The following SLC9D1 variants were observed in gnomAD, a reference collection of about 807,000 sequenced individuals.
SLC9D1 encodes putative LAG1-interacting protein.
chr13:113,495,801 G>T, the SLC9D1 span: 15 of 1,614,176 alleles, frequency 9.3e-6, no homozygotes, highest in Non-Finnish European at 1.3e-5. Context: ...ACTGAAAACT[G>T]CAATTGGAGC....
the SLC9D1 span, among the ~76,000 whole-genome samples, chr13:113,546,527 G>A: frequency 6.6e-6 from 1 of 152,202 alleles, no homozygotes; most frequent in African/African-American, 2.4e-5. This position sits in a 1 kb window ranked among gnomAD's most constrained non-coding sequence, Gnocchi z 7.1. Context: ...AAAGGCCAGT[G>A]TTTACATTTG....
the SLC9D1 span, among the ~76,000 whole-genome samples, chr13:113,544,076 G>A: frequency 8.5e-5 from 13 of 152,216 alleles, no homozygotes; most frequent in South Asian, 2.1e-4. Context: ...ACTTCAGGGC[G>A]GCAGAAACCC....
At chr13:113,542,644 G>A in the SLC9D1 span, among the ~76,000 whole-genome samples, 1 of 152,296 alleles carries the variant, frequency 6.6e-6, no homozygotes, top group South Asian at 2.1e-4. Flanking sequence ...TCCCTTGTCA[G>A]GGTCTGTGGA....
At chr13:113,521,286 C>T in the SLC9D1 span, among the ~76,000 whole-genome samples, 2 of 150,608 alleles carry the variant, frequency 1.3e-5, no homozygotes, top group South Asian at 2.1e-4. Flanking sequence ...GGGGTATCCA[C>T]GTGTGCGTAT....
At chr13:113,501,789 G>T in the SLC9D1 span, 1 of 1,609,618 alleles carries the variant, frequency 6.2e-7, no homozygotes, top group South Asian at 1.1e-5. Context: ...TTGCCTTGTG[G>T]CTGGCTATGT....
the SLC9D1 span, among the ~76,000 whole-genome samples, chr13:113,522,984 A>T: frequency 2.6e-5 from 4 of 152,160 alleles, no homozygotes; most frequent in African/African-American, 9.7e-5. Context: ...AAGTTGAACC[A>T]GCCTTGCATA....
chr13:113,529,461 T>A, the SLC9D1 span: 4 of 152,154 alleles, frequency 2.6e-5, no homozygotes, highest in East Asian at 5.8e-4. Context: ...CCATCCTGGC[T>A]AACACGGTGA....
the SLC9D1 span, chr13:113,534,267 T>G: frequency 1.3e-6 from 2 of 1,529,588 alleles, no homozygotes. Flanking sequence ...GTGTTATTTA[T>G]GTAATCTGAT....
the SLC9D1 span, among the ~76,000 whole-genome samples, chr13:113,497,458 T>C: frequency 6.8e-6 from 1 of 147,104 alleles, no homozygotes; most frequent in Non-Finnish European, 1.5e-5. Flanking sequence ...TGCAGCTGTA[T>C]GAGACCTGCA....
the SLC9D1 span, among the ~76,000 whole-genome samples, chr13:113,515,446 A>T: frequency 7.9e-5 from 12 of 152,342 alleles, no homozygotes; most frequent in African/African-American, 2.9e-4. Flanking sequence ...TGGCTGTGCC[A>T]GAGATGGGGA....
At chr13:113,532,684 G>A in the SLC9D1 span, among the ~76,000 whole-genome samples, 1 of 152,220 alleles carries the variant, frequency 6.6e-6, no homozygotes, top group African/African-American at 2.4e-5. Flanking sequence ...TTGGCCGTGA[G>A]TCTGTCTCCG....
the SLC9D1 span, chr13:113,539,355 AG>A: frequency 6.2e-7 from 1 of 1,611,692 alleles, no homozygotes. This position sits in a 1 kb window ranked among gnomAD's most constrained non-coding sequence, Gnocchi z 4.8. Context: ...TGCCTCTCTC[AG>A]GTCACGGAGC....
the SLC9D1 span, chr13:113,495,733 G>A: frequency 4.8e-5 from 77 of 1,613,930 alleles, no homozygotes; most frequent in Admixed American, 1.8e-4. Flanking sequence ...CAGTGGGTCC[G>A]GGACAGCTGC....
the SLC9D1 span, among the ~76,000 whole-genome samples, chr13:113,521,396 TTGTA>T: frequency 5.3e-5 from 8 of 151,292 alleles, no homozygotes; most frequent in Non-Finnish European, 1.5e-5. Context: ...AGAGCTATCA[TTGTA>T]TGGTTGTATA....
At chr13:113,536,530 C>T in the SLC9D1 span, 1 of 981,364 alleles carries the variant, frequency 1.0e-6, no homozygotes. Flanking sequence ...GAGTATTTTT[C>T]TCTTTGAAAA....
chr13:113,506,472 C>T, the SLC9D1 span, among the ~76,000 whole-genome samples: 3 of 151,968 alleles, frequency 2.0e-5, no homozygotes, highest in Admixed American at 6.6e-5. Flanking sequence ...TGTGGCTGTC[C>T]AGTGCCCTGT....
At chr13:113,498,878 CAA>C in the SLC9D1 span, among the ~76,000 whole-genome samples, 28,044 of 151,888 alleles carry the variant, frequency 0.18, 3,398 homozygotes, top group African/African-American at 0.35. Context: ...ATCCAGACCC[CAA>C]GAGAGAGTTC....
chr13:113,494,625 C>T, the SLC9D1 span, among the ~76,000 whole-genome samples: 1 of 151,234 alleles, frequency 6.6e-6, no homozygotes, highest in East Asian at 1.9e-4. Context: ...GGGATGATAA[C>T]AAAAAGTTCT....
chr13:113,533,585 CTG>C, the SLC9D1 span, among the ~76,000 whole-genome samples: 1 of 152,230 alleles, frequency 6.6e-6, no homozygotes, highest in Non-Finnish European at 1.5e-5. Flanking sequence ...ATCACTTTCT[CTG>C]TGTCTGAATC....
Sources: allele counts gnomAD v4.1 joint callset (sites outside exome capture counted in the v4.1 genomes callset), GRCh38; gene constraint gnomAD v4.1.1; non-coding constraint Gnocchi (gnomAD v3.1); transcripts MANE v1.5; gene names NCBI Gene and HGNC (gene_info 2026-07-23, HGNC 2026-07-21).